DCAF4: variants seen among roughly 807,000 people sequenced by gnomAD.
DCAF4 encodes the protein DDB1 and CUL4 associated factor 4, also known as DDB1- and CUL4-associated factor 4.
In DCAF4, 37 loss-of-function variants were observed where a neutral mutation model predicts 60.9. That is an observed-to-expected ratio of 0.61 (90% CI 0.47 to 0.80). The LOEUF (loss-of-function observed/expected upper bound fraction) is 0.80. DCAF4 is among the 30% of genes least tolerant of loss of function. The pLI is 0.00. For missense variants in DCAF4, 577 were observed against 650.0 expected (o/e 0.89, Z 1.22); for synonymous variants, 243 against 254.8 (o/e 0.95, Z 0.44).
rs900787775 is a variant in DCAF4, at chr14:72,952,074, C to A, written c.808+197C>A. On this transcript the variant is annotated intron_variant, in intron 9 of 13. Coordinates refer to ENST00000358377, the MANE Select transcript of DCAF4 (RefSeq NM_015604.4). ...TTTACCCATCTTGGGCCATTTCAGT[C>A]ATTTCAGCAGCCAGAGCAGACTTAA... Among the ~76,000 whole-genome samples the A allele has an allele frequency of 2.6e-5, 4 of 152,268 alleles. No individual in the cohort carries two copies. The South Asian group carries it at 8.3e-4, about 32-fold the overall frequency.
At chr14:72,956,549 C>G in intron 13 of DCAF4, 49 bp downstream of exon 13, 1 of 1,538,594 alleles carries the variant, frequency 6.5e-7, no homozygotes, top group Non-Finnish European at 8.8e-7. Flanking sequence ...TACTGTCTCT[C>G]AGGGGCGATC....
At chr14:72,938,191 A>AC (rs1889557511) in intron 2 of DCAF4, 121 bp downstream of exon 2, 3 of 1,364,216 alleles carry the variant, frequency 2.2e-6, no homozygotes. Context: ...GCAGGTTCTG[A>AC]TTCTGTAGGT....
intron 2 of DCAF4, among the ~76,000 whole-genome samples, chr14:72,939,074 C>T (rs1282789312): frequency 6.6e-6 from 1 of 150,490 alleles, no homozygotes; most frequent in African/African-American, 2.4e-5. Flanking sequence ...GTTGGCTGGG[C>T]CGGGTGTGGT....
intron 8 of DCAF4, among the ~76,000 whole-genome samples, chr14:72,949,899 G>C (rs1201527045): frequency 6.6e-6 from 1 of 152,246 alleles, no homozygotes; most frequent in Non-Finnish European, 1.5e-5. Flanking sequence ...CAAGGAGATA[G>C]AGACAGGCAG....
rs565229070 is a variant in DCAF4, at chr14:72,928,187, C to CTTTTTTTTTTTTTTTTTT, written c.-9+1650_-9+1667dup. On this transcript the variant is annotated intron_variant, in intron 1 of 13. Transcript: ENST00000358377. ...CCCGCTAGTCTACAGAATCCCCCCA[C>CTTTTTTTTTTTTTTTTTT]TTTTTTTTTTTTTTTTTTTTTTTGA... 6.8e-3 allele frequency among the ~76,000 whole-genome samples: 460 copies of CTTTTTTTTTTTTTTTTTT among 67,256 alleles called. 51 individuals carry two copies. Among genetic ancestry groups the CTTTTTTTTTTTTTTTTTT allele is most frequent in the Non-Finnish European group, 7.8e-3 (315 of 40,308 alleles). The allele number at this position is 67,256 out of a possible 152,430, so 44.1% of individuals were successfully genotyped here.
Position 72,940,253 on chromosome 14 carries a change from A to C in DCAF4, c.227A>C (p.Lys76Thr). Residue 76 changes from lysine to threonine, a missense_variant, in exon 4 of 14, where the codon AAA becomes ACA. Transcript: ENST00000358377. Reference protein sequence around the residue: ...LPGFYFDPEKKRYFRLLPGHN... With the variant: ...LPGFYFDPEKTRYFRLLPGHN... ...GGGTTTTACTTTGACCCTGAAAAGA[A>C]ACGCTACTTCCGCTTGCTCCCTGGA... 8 of 1,614,048 alleles carry C rather than the reference A, an allele frequency of 5.0e-6. No individual in the cohort carries two copies. Among genetic ancestry groups the C allele is most frequent in the Non-Finnish European group, 6.8e-6 (8 of 1,180,016 alleles).
intron 9 of DCAF4, among the ~76,000 whole-genome samples, chr14:72,953,709 TAAAA>T (rs778771457): frequency 0.056 from 555 of 9,932 alleles, 7 homozygotes; most frequent in South Asian, 0.063. Context: ...GACCCTGTCT[TAAAA>T]AAAAAAAAAA....
Position 72,953,731 on chromosome 14 carries a change from AAATAT to A in DCAF4, c.809-431_809-427del, listed in dbSNP as rs1323579278. On this transcript the variant is annotated intron_variant, in intron 9 of 13. Coordinates refer to ENST00000358377, the MANE Select transcript of DCAF4 (RefSeq NM_015604.4). ...TCTTAAAAAAAAAAAAAAAAAAAAA[AAATAT>A]ATATATATATATATATATATATATA... 3.3e-4 allele frequency among the ~76,000 whole-genome samples: 12 copies of A among 36,552 alleles called. 1 individual carries two copies. Among genetic ancestry groups the A allele is most frequent in the Admixed American group, 1.1e-3 (3 of 2,736 alleles). The allele number at this position is 36,552 out of a possible 152,430, so 24.0% of individuals were successfully genotyped here.
At chr14:72,950,954 G>C (rs1169201296) in intron 8 of DCAF4, among the ~76,000 whole-genome samples, 1 of 151,968 alleles carries the variant, frequency 6.6e-6, no homozygotes, top group East Asian at 1.9e-4. Context: ...GACTAGGGAG[G>C]GATCAGAGAG....
chr14:72,954,024 GC>G (rs1891936707), intron 9 of DCAF4, 139 bp from the exon 10 acceptor site: 2 of 844,458 alleles, frequency 2.4e-6, no homozygotes, highest in African/African-American at 3.4e-5. Flanking sequence ...AGTCTCTCTT[GC>G]AACCACAAAA....
intron 1 of DCAF4, among the ~76,000 whole-genome samples, chr14:72,927,220 T>G (rs2140161733): frequency 6.6e-6 from 1 of 152,274 alleles, no homozygotes; most frequent in African/African-American, 2.4e-5. Flanking sequence ...GGCATTGTCT[T>G]GTGACTCCAG....
At chr14:72,930,631 A>G (rs970632537) in intron 1 of DCAF4, among the ~76,000 whole-genome samples, 3 of 137,480 alleles carry the variant, frequency 2.2e-5, no homozygotes, top group Non-Finnish European at 3.3e-5. Flanking sequence ...TTATGTGTGT[A>G]TGTGTGTGTG....
chr14:72,961,683 G>C (rs1892828328), downstream of DCAF4, among the ~76,000 whole-genome samples: 1 of 152,242 alleles, frequency 6.6e-6, no homozygotes, highest in Non-Finnish European at 1.5e-5. Context: ...ACCAGCCCTT[G>C]GCTTTTCAGC....
chr14:72,958,429 T>G (rs1459244716), intron 13 of DCAF4, among the ~76,000 whole-genome samples, 183 bp from the exon 14 acceptor site: 4 of 152,228 alleles, frequency 2.6e-5, no homozygotes, highest in Admixed American at 1.3e-4. Flanking sequence ...GGGCATCTTG[T>G]CATTGTTCTA....
At chr14:72,961,517 G>T (rs552033743), downstream of DCAF4, among the ~76,000 whole-genome samples, 3 of 152,294 alleles carry the variant, frequency 2.0e-5, no homozygotes, top group Admixed American at 2.0e-4. Context: ...CAGAGACAAG[G>T]GTGAGATTTT....
chr14:72,930,101 A>G (rs1051902069), intron 1 of DCAF4, among the ~76,000 whole-genome samples: 1 of 152,248 alleles, frequency 6.6e-6, no homozygotes, highest in African/African-American at 2.4e-5. Context: ...ACTGCACTTC[A>G]GCCAAAAGGG....
intron 1 of DCAF4, among the ~76,000 whole-genome samples, chr14:72,928,999 A>T (rs1249735345): frequency 6.6e-6 from 1 of 152,024 alleles, no homozygotes; most frequent in Non-Finnish European, 1.5e-5. Context: ...GCCAGCCCCG[A>T]TGTGTGCGGG....
At chr14:72,946,147 A>T in intron 7 of DCAF4, 120 bp downstream of exon 7, 1 of 1,305,682 alleles carries the variant, frequency 7.7e-7, no homozygotes, top group Non-Finnish European at 1.1e-6. Context: ...ATTTTTCCAT[A>T]AGACTTGATT....
chr14:72,951,169 C>G (rs892993426), intron 8 of DCAF4, among the ~76,000 whole-genome samples: 1 of 151,972 alleles, frequency 6.6e-6, no homozygotes, highest in Admixed American at 6.6e-5. Context: ...TTTGTAGAGA[C>G]AAGGTTTTGC....
Sources: gnomAD v4.1 joint callset for allele counts (sites outside exome capture counted in the v4.1 genomes callset) on GRCh38, gnomAD v4.1.1 for gene constraint, MANE v1.5 for transcripts, NCBI Gene and HGNC (gene_info 2026-07-23, HGNC 2026-07-21) for gene names.